Variants in GABRB1 observed in about 807,000 individuals in gnomAD.
GABRB1 encodes gamma-aminobutyric acid type A receptor subunit beta1, also known as gamma-aminobutyric acid receptor subunit beta-1.
A neutral mutation model predicts 51.6 loss-of-function variants in GABRB1; 17 were observed. That is an observed-to-expected ratio of 0.33 (90% CI 0.23 to 0.49). The LOEUF (loss-of-function observed/expected upper bound fraction) is 0.49. Among genes scored for constraint, GABRB1 ranks in the 20% least tolerant of loss-of-function variants. The probability of loss-of-function intolerance (pLI) is 0.99; values close to 1 mark genes in which losing one functional copy is unlikely to be tolerated. For synonymous variants in GABRB1, 247 were observed against 218.9 expected, an observed-to-expected ratio of 1.13 and a Z score of -1.14; for missense variants, 410 against 600.6, an observed-to-expected ratio of 0.68 and a Z score of 3.32.
intron 4 of GABRB1, among the ~76,000 whole-genome samples, chr4:47,186,095 G>A (rs763624252): frequency 2.0e-5 from 3 of 151,570 alleles, no homozygotes; most frequent in Non-Finnish European, 4.4e-5. Flanking sequence ...CTCAAATACT[G>A]CATACATCCA....
At chr4:47,402,029 A>G (rs1310346150) in intron 5 of GABRB1, among the ~76,000 whole-genome samples, 1 of 152,230 alleles carries the variant, frequency 6.6e-6, no homozygotes, top group East Asian at 1.9e-4. Context: ...TAAGTCCAAT[A>G]GTAAAGAGGG....
intron 5 of GABRB1, among the ~76,000 whole-genome samples, chr4:47,375,704 T>C (rs1181738406): frequency 6.6e-6 from 1 of 152,230 alleles, no homozygotes; most frequent in Non-Finnish European, 1.5e-5. Context: ...ATAACACTTG[T>C]TACTTTTGGT....
chr4:47,358,528 G>A (rs1387654350), intron 5 of GABRB1, among the ~76,000 whole-genome samples: 3 of 152,084 alleles, frequency 2.0e-5, no homozygotes, highest in Non-Finnish European at 4.4e-5. Context: ...CCAGGGAAGA[G>A]TTGCTGTTAC....
At chr4:47,040,301 C>T (rs1281400298) in intron 3 of GABRB1, among the ~76,000 whole-genome samples, 2 of 152,114 alleles carry the variant, frequency 1.3e-5, no homozygotes, top group East Asian at 3.8e-4. Context: ...GTAGAGAAGG[C>T]TAAAACTGAG....
In GABRB1 at chr4:47,295,911, T is replaced by C. The variant is rs536089302; in HGVS notation, c.462-24216T>C. Among the ~76,000 whole-genome samples, 13 of 152,292 alleles carry C rather than the reference T, an allele frequency of 8.5e-5. No homozygotes were observed. In the South Asian group the frequency reaches 1.5e-3, roughly 17 times the overall value. The stretch of plus-strand genomic sequence containing the variant: ...CCCAGCAGACTAACAGCGGATCTCT[T>C]GGCAGAAACTCTACAAGCCAGAAGA... On this transcript the variant is annotated intron_variant, in intron 4 of 8. Coordinates refer to ENST00000295454, the MANE Select transcript of GABRB1 (RefSeq NM_000812.4).
chr4:47,374,755 G>GC (rs1553879904), intron 5 of GABRB1, among the ~76,000 whole-genome samples: 1 of 151,794 alleles, frequency 6.6e-6, no homozygotes, highest in African/African-American at 2.4e-5. Context: ...CTGAAGGCAA[G>GC]TTTTTTTTTC....
At chr4:47,354,775 A>T (rs539381015) in intron 5 of GABRB1, among the ~76,000 whole-genome samples, 1 of 151,698 alleles carries the variant, frequency 6.6e-6, no homozygotes, top group Non-Finnish European at 1.5e-5. Flanking sequence ...TTTTTTTTAA[A>T]CTGCAAATTT....
intron 3 of GABRB1, among the ~76,000 whole-genome samples, chr4:47,052,653 C>T (rs1726405428): frequency 1.3e-5 from 2 of 152,156 alleles, no homozygotes; most frequent in African/African-American, 4.8e-5. Context: ...TTCTCAGAGG[C>T]ACAAACCCTG....
In GABRB1 at chr4:47,425,734, T is replaced by A; in HGVS notation, c.1141T>A (p.Ser381Thr). The A allele has an allele frequency of 6.2e-7, 1 of 1,614,118 alleles. No homozygotes were observed. The highest frequency in any genetic ancestry group is 8.5e-7 in the Non-Finnish European group (1 of 1,179,996). The change falls in exon 9 of 9, where the codon TCG becomes ACG. Residue 381 changes from serine (S) to threonine (T), a missense_variant. Ser to Thr is a moderately conservative substitution (Grantham distance 58, BLOSUM62 1). Around this residue, in one of 5 missense-constraint regions of GABRB1, gnomAD observed 181 missense variants for 195.6 expected, o/e 0.93. Coordinates refer to ENST00000295454, the MANE Select transcript of GABRB1 (RefSeq NM_000812.4). ...GGAAATCCGGAATGAGACGAGTGGC[T>A]CGGAAGTGCTCACGAGCGTGAGCGA... Reference protein sequence around the residue: ...TLEIRNETSGSEVLTSVSDPK... With the variant: ...TLEIRNETSGTEVLTSVSDPK...
chr4:47,233,515 G>GT (rs1291119692), intron 4 of GABRB1, among the ~76,000 whole-genome samples: 5 of 152,138 alleles, frequency 3.3e-5, no homozygotes, highest in African/African-American at 4.8e-5. Context: ...TTTTAACAAA[G>GT]TTTTTTCTCA....
chr4:47,265,761 T>C (rs1722620749), intron 4 of GABRB1, among the ~76,000 whole-genome samples: 1 of 152,182 alleles, frequency 6.6e-6, no homozygotes, highest in Non-Finnish European at 1.5e-5. Flanking sequence ...TGTCTGCTCA[T>C]GTCCTTTGCT....
In GABRB1 at chr4:47,205,580, G is replaced by A. The variant is rs576117684; in HGVS notation, c.461+44111G>A. The stretch of plus-strand genomic sequence containing the variant: ...CTGAAATTCTATAAAATGCCTTGTA[G>A]GGATAGTTCTGTAGGTCATGCTCTC... On this transcript the variant is annotated intron_variant, in intron 4 of 8. Transcript: ENST00000295454. Among the ~76,000 whole-genome samples, 3 of 152,248 alleles carry A rather than the reference G, an allele frequency of 2.0e-5. No individual in the cohort carries two copies. The South Asian group carries it at 6.2e-4, about 32-fold the overall frequency.
intron 1 of GABRB1, among the ~76,000 whole-genome samples, chr4:47,008,623 C>T (rs1262657600): frequency 1.8e-4 from 26 of 146,478 alleles, no homozygotes; most frequent in Admixed American, 1.7e-3. Context: ...CCACCACACC[C>T]AGCTAATTTT....
intron 3 of GABRB1, among the ~76,000 whole-genome samples, chr4:47,075,142 C>A (rs1727494042): frequency 6.6e-6 from 1 of 152,120 alleles, no homozygotes; most frequent in Non-Finnish European, 1.5e-5. Flanking sequence ...AGCAGAAAAG[C>A]TGCTGGAAAT....
At chr4:47,019,659 CTTT>C (rs1362891147) in intron 1 of GABRB1, among the ~76,000 whole-genome samples, 3 of 135,580 alleles carry the variant, frequency 2.2e-5, no homozygotes, top group Admixed American at 8.1e-5. Flanking sequence ...TTCTTTCTTT[CTTT>C]CTTTCTTTCT....
chr4:47,150,338 A>G (rs199639249), intron 3 of GABRB1, among the ~76,000 whole-genome samples: 5 of 124,742 alleles, frequency 4.0e-5, no homozygotes, highest in East Asian at 4.3e-4. Flanking sequence ...ACACACACAC[A>G]CACACGCACA....
chr4:46,998,133 A>G (rs914836280), intron 1 of GABRB1, among the ~76,000 whole-genome samples: 1 of 152,216 alleles, frequency 6.6e-6, no homozygotes, highest in African/African-American at 2.4e-5. Context: ...TGTCAAAATA[A>G]GAATTTTTTG....
At chr4:47,377,378 C>T (rs758175803) in intron 5 of GABRB1, among the ~76,000 whole-genome samples, 2 of 138,272 alleles carry the variant, frequency 1.4e-5, no homozygotes, top group Non-Finnish European at 3.0e-5. Flanking sequence ...GCGTCGTGTC[C>T]GGAGTTTGTT....
intron 5 of GABRB1, among the ~76,000 whole-genome samples, chr4:47,400,555 A>G (rs919624074): frequency 1.6e-5 from 1 of 61,804 alleles, no homozygotes; most frequent in African/African-American, 8.1e-5. Context: ...TCTCTCTCTC[A>G]GTGACCCAAC....
Sources: gnomAD v4.1 joint callset for allele counts (sites outside exome capture counted in the v4.1 genomes callset) on GRCh38, gnomAD v4.1.1 for gene constraint, gnomAD v4.1.1 regional missense constraint, MANE v1.5 for transcripts, NCBI Gene and HGNC (gene_info 2026-07-23, HGNC 2026-07-21) for gene names.